Variants in TM4SF18 observed in about 807,000 individuals in gnomAD.
The protein encoded by TM4SF18 is transmembrane 4 L six family member 18, also known as transmembrane 4 L6 family member 18.
TM4SF18 carries 22 observed loss-of-function variants against 23.8 expected under a neutral mutation model. That is an observed-to-expected ratio of 0.92 (90% confidence interval 0.66 to 1.32). TM4SF18 has a LOEUF of 1.32. Among genes scored for constraint, TM4SF18 ranks in the 40% most tolerant of loss-of-function variants. The pLI, the probability that TM4SF18 is intolerant of heterozygous loss-of-function variation, is 0.00. For synonymous variants in TM4SF18, 87 were observed against 87.9 expected (o/e 0.99, Z 0.06); for missense variants, 255 against 240.3 (o/e 1.06, Z -0.41).
chr3:149,325,091 A>G (rs1730910231), intron 3 of TM4SF18, 69 bp from the exon 4 acceptor site: 6 of 1,494,378 alleles, frequency 4.0e-6, no homozygotes, highest in African/African-American at 1.4e-5. Flanking sequence ...ATAAATTATC[A>G]GATAGCTACA....
rs761836793 is a variant in TM4SF18, at chr3:149,333,199, T to C, written c.177+7A>G. 4.4e-6 allele frequency: 7 copies of C among 1,607,800 alleles called. No individual in the cohort carries two copies. The highest frequency in any genetic ancestry group is 5.1e-6 in the Non-Finnish European group (6 of 1,176,758). On this transcript the variant is annotated splice_region_variant and intron_variant, in intron 2 of 5. Transcript: ENST00000296059. Reference sequence around the variant, plus strand: ...CTTCTCTCCCAAGTCTCCAAATTCATACTTACCATGATGCCTGAGAAACAG... The same window carrying C: ...CTTCTCTCCCAAGTCTCCAAATTCACACTTACCATGATGCCTGAGAAACAG...
rs1193649305 is a variant in TM4SF18 at position 149,319,242 on chromosome 3, T to G, written c.*2236A>C. On this transcript the variant is annotated 3_prime_UTR_variant, in exon 6 of 6. Transcript: ENST00000296059. ...TCCAGAAGTCTGTTTACAAGAGGGCTGAGGAGACTTTGAGAGAATTTTTAA... is the reference window on the plus strand; with the variant it reads ...TCCAGAAGTCTGTTTACAAGAGGGCGGAGGAGACTTTGAGAGAATTTTTAA... 6.6e-6 allele frequency: 1 copy of G among 152,182 alleles called. No individual in the cohort carries two copies. The highest frequency in any genetic ancestry group is 1.5e-5 in the Non-Finnish European group (1 of 68,040). The allele number at this position is 152,182 out of a possible 1,614,324, so 9.4% of individuals were successfully genotyped here.
At chr3:149,325,557 G>A (rs1055202497) in intron 3 of TM4SF18, among the ~76,000 whole-genome samples, 3 of 152,190 alleles carry the variant, frequency 2.0e-5, no homozygotes, top group Non-Finnish European at 4.4e-5. Flanking sequence ...GAGAGAATGG[G>A]TGTTATTCAC....
At chr3:149,329,815 A>T (rs1731050610) in intron 3 of TM4SF18, 1 of 152,256 alleles carries the variant, frequency 6.6e-6, no homozygotes, top group African/African-American at 2.4e-5. Flanking sequence ...TCCTGGATGA[A>T]AAAACCCAGA....
chr3:149,329,308 G>A (rs1731033057), intron 3 of TM4SF18, among the ~76,000 whole-genome samples: 1 of 152,070 alleles, frequency 6.6e-6, no homozygotes, highest in South Asian at 2.1e-4. Flanking sequence ...ATACAATCTT[G>A]ACTACGCATT....
At chr3:149,324,527 A>G (rs1017283238) in intron 4 of TM4SF18, among the ~76,000 whole-genome samples, 7 of 152,092 alleles carry the variant, frequency 4.6e-5, no homozygotes, top group Non-Finnish European at 1.5e-5. Flanking sequence ...ATAAAACAAA[A>G]CTGAGTTCCT....
At chr3:149,330,516 T>C (rs1347543372) in intron 2 of TM4SF18, 97 bp from the exon 3 acceptor site, 1 of 741,558 alleles carries the variant, frequency 1.3e-6, no homozygotes, top group Non-Finnish European at 2.2e-6. Flanking sequence ...GAGTCTGGGG[T>C]CAGGTAGATA....
intron 4 of TM4SF18, 84 bp from the exon 5 acceptor site, chr3:149,322,520 TA>T: frequency 8.9e-7 from 1 of 1,128,792 alleles, no homozygotes; most frequent in South Asian, 1.6e-5. Context: ...AATTACTGTA[TA>T]ACTAAAATAT....
At chr3:149,325,258 T>C (rs73168811) in intron 3 of TM4SF18, among the ~76,000 whole-genome samples, 1,566 of 152,284 alleles carry the variant, frequency 0.01, 20 homozygotes, top group Non-Finnish European at 0.014. Flanking sequence ...ATTTACTAAA[T>C]TTATTCTTTC....
At chr3:149,331,545 C>G (rs1348049468) in intron 2 of TM4SF18, among the ~76,000 whole-genome samples, 6 of 152,142 alleles carry the variant, frequency 3.9e-5, no homozygotes, top group Non-Finnish European at 8.8e-5. Flanking sequence ...AATGATGAGA[C>G]AAGGCCAAAG....
At position 149,319,012 on chromosome 3, in the gene TM4SF18, T is replaced by C. The variant is rs1238171797; in HGVS notation, c.*2466A>G. Reference sequence around the variant, plus strand: ...ATGATTAGCATATACTCTTCAAATATAGAATATTTGGTGGCTGTGTTAAAA... The same window carrying C: ...ATGATTAGCATATACTCTTCAAATACAGAATATTTGGTGGCTGTGTTAAAA... On this transcript the variant is annotated 3_prime_UTR_variant, in exon 6 of 6. Transcript: ENST00000296059. The C allele has an allele frequency of 6.6e-6, 1 of 152,188 alleles. No individual in the cohort carries two copies. Among genetic ancestry groups the C allele is most frequent in the Non-Finnish European group, 1.5e-5 (1 of 68,034 alleles). The allele number at this position is 152,188 out of a possible 1,614,324, so 9.4% of individuals were successfully genotyped here. A position where few individuals can be genotyped will look rare whatever the true frequency, so the allele number is the denominator to read the frequency against.
rs1021530283 is a variant in TM4SF18, at chr3:149,319,428, G to A, written c.*2050C>T. 5 of 152,206 alleles carry A rather than the reference G, an allele frequency of 3.3e-5. No homozygotes were observed. Among genetic ancestry groups the A allele is most frequent in the African/African-American group, 1.2e-4 (5 of 41,464 alleles). 9.4% of individuals were successfully genotyped at this position (152,206 alleles called of 1,614,324 possible). ...ATATTTAAGTTCTTTGGAAAGTAGA[G>A]TGTTATTGAATGAAGCTCTGTAAAA... On this transcript the variant is annotated 3_prime_UTR_variant, in exon 6 of 6. Transcript: ENST00000296059.
At chr3:149,325,513 G>A (rs930224689) in intron 3 of TM4SF18, among the ~76,000 whole-genome samples, 6 of 152,320 alleles carry the variant, frequency 3.9e-5, no homozygotes, top group Non-Finnish European at 8.8e-5. Context: ...GTGACGATAG[G>A]ATTGATGGAG....
At position 149,330,331 on chromosome 3, in the gene TM4SF18, A is replaced by C. The variant is rs980558961; in HGVS notation, c.266T>G (p.Val89Gly). The C allele has an allele frequency of 3.1e-6, 5 of 1,609,174 alleles. No homozygotes were observed. The Admixed American group carries it at 5.0e-5, about 16-fold the overall frequency. ...CCTCAAAAAAACTGTTGCTCTTACCACATATTTTTTGCTGCAGTTTTCACT... is the reference window on the plus strand; with the variant it reads ...CCTCAAAAAAACTGTTGCTCTTACCCCATATTTTTTGCTGCAGTTTTCACT... ...CQSENCSKKY[V>G]TLLSIIFSSL... is the part of the protein sequence containing the mutation. Residue 89 changes from valine to glycine, a missense_variant and splice_region_variant, in exon 3 of 6, where the codon GTG becomes GGG. Val to Gly is a moderately radical substitution (Grantham distance 109, BLOSUM62 -3). Coordinates refer to ENST00000296059, the MANE Select transcript of TM4SF18 (RefSeq NM_138786.4).
At chr3:149,330,070 G>A (rs1018178407) in intron 3 of TM4SF18, 4 of 255,592 alleles carry the variant, frequency 1.6e-5, no homozygotes, top group African/African-American at 8.9e-5. Flanking sequence ...TAGACTAATG[G>A]AAACTTAGTT....
chr3:149,333,482 C>CTATT, intron 1 of TM4SF18, 31 bp downstream of exon 1: 2 of 235,252 alleles, frequency 8.5e-6, no homozygotes, highest in Non-Finnish European at 1.4e-5. Context: ...CTCTCTCTCT[C>CTATT]TTTTTTTTTT....
Position 149,321,394 on chromosome 3 carries a change from C to G in TM4SF18, c.*84G>C. 9.4e-7 allele frequency: 1 copy of G among 1,062,534 alleles called. No individual in the cohort carries two copies. The allele number at this position is 1,062,534 out of a possible 1,614,324, so 65.8% of individuals were successfully genotyped here. ...CCAAATGCAGAAAGCACCATCATTTCAATATTGCCCTCAAGTCTACACAGT... is the reference window on the plus strand; with the variant it reads ...CCAAATGCAGAAAGCACCATCATTTGAATATTGCCCTCAAGTCTACACAGT... On this transcript the variant is annotated 3_prime_UTR_variant, in exon 6 of 6. Transcript: ENST00000296059.
chr3:149,318,860 A>G lies in TM4SF18; in HGVS notation c.*2618T>C, dbSNP rs1730733383. On this transcript the variant is annotated 3_prime_UTR_variant, in exon 6 of 6. Transcript: ENST00000296059. ...TAATTATATGGTTACTTAATTAAAAATTTGGGCTCAAACTGCATACATATA... is the reference window on the plus strand; with the variant it reads ...TAATTATATGGTTACTTAATTAAAAGTTTGGGCTCAAACTGCATACATATA... 1 of 152,208 alleles carries G rather than the reference A, an allele frequency of 6.6e-6. No homozygotes were observed. The highest frequency in any genetic ancestry group is 1.5e-5 in the Non-Finnish European group (1 of 68,034). The allele number at this position is 152,208 out of a possible 1,614,324, so 9.4% of individuals were successfully genotyped here.
intron 4 of TM4SF18, among the ~76,000 whole-genome samples, chr3:149,322,698 T>C (rs1002958558): frequency 1.3e-5 from 2 of 152,046 alleles, no homozygotes; most frequent in African/African-American, 4.8e-5. Context: ...TCCATTTCTT[T>C]CCTACTTCCT....
Sources: gnomAD v4.1 joint callset for allele counts (sites outside exome capture counted in the v4.1 genomes callset) on GRCh38, gnomAD v4.1.1 for gene constraint, MANE v1.5 for transcripts, NCBI Gene and HGNC (gene_info 2026-07-23, HGNC 2026-07-21) for gene names.